The following EPB41L4A variants were observed in gnomAD, a reference collection of about 807,000 sequenced individuals.
The protein encoded by EPB41L4A is erythrocyte membrane protein band 4.1 like 4A.
EPB41L4A carries 100 observed loss-of-function variants against 108.6 expected under a neutral mutation model. The observed-to-expected ratio is 0.92, with a 90% CI of 0.78 to 1.09. The LOEUF is 1.09. Ranked by LOEUF, EPB41L4A falls within the 50% of genes least tolerant of loss-of-function variation. The probability of loss-of-function intolerance (pLI) is 0.00; values close to 1 mark genes in which losing one functional copy is unlikely to be tolerated. For synonymous variants in EPB41L4A, 319 were observed against 289.0 expected, an observed-to-expected ratio of 1.10 and a Z score of -1.05; for missense variants, 1,030 against 842.7, an observed-to-expected ratio of 1.22 and a Z score of -2.75.
rs771615270 is a variant in EPB41L4A at position 112,292,059 on chromosome 5, A to G, written c.205-11736T>C. On this transcript the variant is annotated intron_variant, in intron 2 of 22. Transcript: ENST00000261486. ...AGCCTTCACAAAACTCTAGCATATC[A>G]TCTTATTTTCAAAGCATTCAGTACC... Among the ~76,000 whole-genome samples, 14 of 152,154 alleles carry G rather than the reference A, an allele frequency of 9.2e-5. No individual in the cohort carries two copies. In the South Asian group the frequency reaches 1.2e-3, roughly 14 times the overall value.
intron 12 of EPB41L4A, among the ~76,000 whole-genome samples, chr5:112,225,939 A>G (rs181817939): frequency 3.3e-5 from 5 of 152,338 alleles, no homozygotes; most frequent in Admixed American, 6.5e-5. Context: ...AGCATCTTCT[A>G]AAAGAGTAAG....
rs565268217 is a variant in EPB41L4A, at chr5:112,392,822, T to C, written c.99+26119A>G. ...GCACCACATCACACTTATTCCAAAA[T>C]TGACGACATAATTGGAAGTAAAGCA... On this transcript the variant is annotated intron_variant, in intron 1 of 22. Transcript: ENST00000261486. 21 of 152,264 alleles carry C rather than the reference T, an allele frequency of 1.4e-4. No individual in the cohort carries two copies. In the East Asian group the frequency reaches 1.7e-3, roughly 13 times the overall value. 9.4% of individuals were successfully genotyped at this position (152,264 alleles called of 1,614,324 possible).
At chr5:112,288,677 C>T (rs983818746) in intron 2 of EPB41L4A, among the ~76,000 whole-genome samples, 2 of 152,120 alleles carry the variant, frequency 1.3e-5, no homozygotes, top group African/African-American at 4.8e-5. Context: ...ACTGGTTATC[C>T]TATGCATGTT....
intron 9 of EPB41L4A, among the ~76,000 whole-genome samples, chr5:112,256,302 A>G (rs1055548003): frequency 9.2e-5 from 14 of 152,228 alleles, no homozygotes; most frequent in Non-Finnish European, 1.6e-4. Flanking sequence ...TAAAACAGAA[A>G]GCCAATCAAG....
At chr5:112,284,650 T>C (rs1006417563) in intron 2 of EPB41L4A, among the ~76,000 whole-genome samples, 2 of 152,232 alleles carry the variant, frequency 1.3e-5, no homozygotes, top group African/African-American at 2.4e-5. Flanking sequence ...TGCTCTCTGA[T>C]GTCGCACAGT....
chr5:112,392,223 A>C (rs556333004), intron 1 of EPB41L4A, among the ~76,000 whole-genome samples: 3 of 152,134 alleles, frequency 2.0e-5, no homozygotes, highest in Non-Finnish European at 2.9e-5. Flanking sequence ...CACACATAAC[A>C]ATATTAACCT....
At chr5:112,317,391 A>C (rs1755497719) in intron 1 of EPB41L4A, among the ~76,000 whole-genome samples, 1 of 152,176 alleles carries the variant, frequency 6.6e-6, no homozygotes, top group African/African-American at 2.4e-5. Flanking sequence ...AAGCTCAAAA[A>C]GGTTGGGAAA....
intron 1 of EPB41L4A, among the ~76,000 whole-genome samples, chr5:112,405,462 T>C (rs888183910): frequency 6.6e-6 from 1 of 152,224 alleles, no homozygotes; most frequent in African/African-American, 2.4e-5. Context: ...CACATAGCAA[T>C]AGATAATGCA....
intron 2 of EPB41L4A, among the ~76,000 whole-genome samples, chr5:112,302,334 C>T (rs1021089659): frequency 2.6e-5 from 4 of 151,916 alleles, no homozygotes; most frequent in Non-Finnish European, 4.4e-5. Flanking sequence ...AGTGTGACCT[C>T]ATCTCTAAAA....
chr5:112,374,208 A>C (rs1212250295), intron 1 of EPB41L4A, among the ~76,000 whole-genome samples: 1 of 152,242 alleles, frequency 6.6e-6, no homozygotes, highest in East Asian at 1.9e-4. Context: ...AACCGTAGCC[A>C]TGAAGAAAGG....
intron 15 of EPB41L4A, among the ~76,000 whole-genome samples, chr5:112,202,958 T>G (rs1292750703): frequency 6.6e-6 from 1 of 151,982 alleles, no homozygotes; most frequent in Non-Finnish European, 1.5e-5. Flanking sequence ...ATCCCAGCAA[T>G]TTGGGAGACT....
At chr5:112,258,465 T>C (rs1160449890) in intron 9 of EPB41L4A, among the ~76,000 whole-genome samples, 4 of 152,248 alleles carry the variant, frequency 2.6e-5, no homozygotes, top group Admixed American at 2.6e-4. Context: ...GATTCTCCTA[T>C]ATCGTGTTTT....
intron 12 of EPB41L4A, among the ~76,000 whole-genome samples, chr5:112,216,097 T>C (rs144196830): frequency 3.9e-4 from 59 of 152,318 alleles, no homozygotes; most frequent in Admixed American, 6.5e-4. Context: ...TCTGTTCACA[T>C]TTGAGTACCT....
intron 2 of EPB41L4A, among the ~76,000 whole-genome samples, chr5:112,288,627 G>A (rs915302010): frequency 1.3e-5 from 2 of 152,152 alleles, no homozygotes; most frequent in African/African-American, 2.4e-5. Flanking sequence ...TAATTGTTGT[G>A]TGCCTCCTGT....
chr5:112,415,781 G>A (rs1762677914), intron 1 of EPB41L4A, among the ~76,000 whole-genome samples: 1 of 152,032 alleles, frequency 6.6e-6, no homozygotes, highest in Non-Finnish European at 1.5e-5. Flanking sequence ...GCTATTGTAG[G>A]GCTCAACACA....
At chr5:112,202,160 G>A (rs1762251459) in intron 15 of EPB41L4A, among the ~76,000 whole-genome samples, 1 of 152,192 alleles carries the variant, frequency 6.6e-6, no homozygotes, top group Non-Finnish European at 1.5e-5. Flanking sequence ...GCACTCCTGA[G>A]AAGTGGGGGT....
chr5:112,409,400 T>C (rs1561653279), intron 1 of EPB41L4A, among the ~76,000 whole-genome samples: 2 of 152,074 alleles, frequency 1.3e-5, no homozygotes, highest in African/African-American at 2.4e-5. Context: ...TCTTATAAAA[T>C]TGATTGTGGT....
At chr5:112,361,841 C>A (rs1309437239) in intron 1 of EPB41L4A, among the ~76,000 whole-genome samples, 1 of 152,104 alleles carries the variant, frequency 6.6e-6, no homozygotes, top group Admixed American at 6.5e-5. Context: ...GAGCCATGAT[C>A]ATGCCACTGC....
chr5:112,415,750 G>A (rs1371719019), intron 1 of EPB41L4A, among the ~76,000 whole-genome samples: 2 of 152,112 alleles, frequency 1.3e-5, no homozygotes, highest in African/African-American at 4.8e-5. Flanking sequence ...ACAGATAGCA[G>A]CAAAAGACAA....
Sources: gnomAD v4.1 joint callset for allele counts (sites outside exome capture counted in the v4.1 genomes callset) on GRCh38, gnomAD v4.1.1 for gene constraint, MANE v1.5 for transcripts, NCBI Gene and HGNC (gene_info 2026-07-23, HGNC 2026-07-21) for gene names.